LRRC4C: variants seen among roughly 807,000 people sequenced by gnomAD.
LRRC4C encodes the protein leucine rich repeat containing 4C, also known as leucine-rich repeat-containing protein 4C.
A neutral mutation model predicts 33.6 loss-of-function variants in LRRC4C; 5 were observed. That is an observed-to-expected ratio of 0.15 (90% confidence interval 0.08 to 0.31). LRRC4C has a LOEUF of 0.31. Among genes scored for constraint, LRRC4C ranks in the 10% least tolerant of loss-of-function variants. LRRC4C has a pLI of 1.00. For synonymous variants in LRRC4C, 329 were observed against 302.0 expected (o/e 1.09, Z -0.93); for missense variants, 560 against 796.7 (o/e 0.70, Z 3.58).
chr11:40,366,551 C>T (rs1405328168), intron 3 of LRRC4C, among the ~76,000 whole-genome samples: 1 of 151,762 alleles, frequency 6.6e-6, no homozygotes, highest in Non-Finnish European at 1.5e-5. Flanking sequence ...AATAGAAAAG[C>T]CTTACATGAA....
chr11:40,287,680 A>G (rs748836696), intron 4 of LRRC4C, among the ~76,000 whole-genome samples: 2 of 152,204 alleles, frequency 1.3e-5, no homozygotes, highest in Non-Finnish European at 2.9e-5. Context: ...CTTCTAAGAT[A>G]CCATTTACAG....
chr11:40,908,346 C>T (rs12289527), intron 2 of LRRC4C, among the ~76,000 whole-genome samples: 5,474 of 152,104 alleles, frequency 0.036, 331 homozygotes, highest in African/African-American at 0.13. Flanking sequence ...AATGAAAAAT[C>T]ACTACTCAAT....
intron 1 of LRRC4C, among the ~76,000 whole-genome samples, chr11:41,034,022 T>G (rs554199743): frequency 6.6e-6 from 1 of 152,230 alleles, no homozygotes; most frequent in East Asian, 1.9e-4. Flanking sequence ...TCTATTTTAT[T>G]TTAGCATTAA....
At chr11:41,007,557 T>C (rs568889306) in intron 1 of LRRC4C, among the ~76,000 whole-genome samples, 2 of 152,224 alleles carry the variant, frequency 1.3e-5, no homozygotes, top group South Asian at 2.1e-4. Flanking sequence ...CCCACACATA[T>C]GCAGAGATAT....
intron 2 of LRRC4C, among the ~76,000 whole-genome samples, chr11:40,761,031 T>G: frequency 6.6e-6 from 1 of 151,750 alleles, no homozygotes; most frequent in African/African-American, 2.4e-5. Context: ...CATGATGGAA[T>G]ATTTTATGAC....
intron 3 of LRRC4C, among the ~76,000 whole-genome samples, chr11:40,416,173 C>CT (rs1360040991): frequency 6.6e-6 from 1 of 152,090 alleles, no homozygotes; most frequent in African/African-American, 2.4e-5. Flanking sequence ...TTTTGTTTTA[C>CT]TTTTTTAAAC....
At chr11:40,730,114 G>T (rs919053493) in intron 2 of LRRC4C, among the ~76,000 whole-genome samples, 3 of 152,066 alleles carry the variant, frequency 2.0e-5, no homozygotes, top group Non-Finnish European at 4.4e-5. Flanking sequence ...GTGGGGTTGG[G>T]GGGGGCAGGG....
intron 3 of LRRC4C, among the ~76,000 whole-genome samples, chr11:40,334,770 T>C (rs1035071485): frequency 6.6e-6 from 1 of 152,214 alleles, no homozygotes; most frequent in Admixed American, 6.5e-5. Flanking sequence ...CTCAAATTTT[T>C]ACTTTATTTC....
intron 3 of LRRC4C, among the ~76,000 whole-genome samples, chr11:40,410,896 CTTA>C (rs1393767062): frequency 6.6e-6 from 1 of 152,036 alleles, no homozygotes; most frequent in African/African-American, 2.4e-5. Flanking sequence ...ACCATTGATT[CTTA>C]TTATACCCAT....
chr11:40,296,169 T>A lies in LRRC4C; in HGVS notation c.-176+23459A>T, dbSNP rs1484678472. Among the ~76,000 whole-genome samples, 4 of 152,246 alleles carry A rather than the reference T, an allele frequency of 2.6e-5. No homozygotes were observed. In the East Asian group the frequency reaches 7.7e-4, roughly 29 times the overall value. On this transcript the variant is annotated intron_variant, in intron 4 of 6. Transcript: ENST00000528697. ...ACAGGTAAGTGCTATTTGGCCAAAA[T>A]GGAAAAAGGAACAGCTTCTCTTTCC...
chr11:40,795,984 C>T (rs762563630), intron 2 of LRRC4C, among the ~76,000 whole-genome samples: 5 of 151,982 alleles, frequency 3.3e-5, no homozygotes, highest in South Asian at 2.1e-4. Context: ...AATGATAATA[C>T]GTCTATATAT....
At chr11:41,312,973 G>T (rs1258683946) in intron 1 of LRRC4C, among the ~76,000 whole-genome samples, 1 of 152,204 alleles carries the variant, frequency 6.6e-6, no homozygotes, top group Non-Finnish European at 1.5e-5. Context: ...CCATTTTGCA[G>T]TGGTCCTGGA....
intron 3 of LRRC4C, among the ~76,000 whole-genome samples, chr11:40,323,882 A>T (rs572951222): frequency 6.6e-6 from 1 of 152,336 alleles, no homozygotes; most frequent in South Asian, 2.1e-4. Context: ...GCTAGATAAG[A>T]CTGAGGAGAA....
chr11:40,492,526 A>G (rs889272193), intron 3 of LRRC4C, among the ~76,000 whole-genome samples: 3 of 152,092 alleles, frequency 2.0e-5, no homozygotes, highest in African/African-American at 4.8e-5. Flanking sequence ...CTTACACGTT[A>G]TTACGTATCT....
chr11:40,513,765 T>C (rs1339326855), intron 3 of LRRC4C, among the ~76,000 whole-genome samples: 1 of 152,202 alleles, frequency 6.6e-6, no homozygotes, highest in Non-Finnish European at 1.5e-5. Flanking sequence ...GCTGGGTTCA[T>C]GACAGACAGA....
At chr11:40,842,332 T>C (rs1163022266) in intron 2 of LRRC4C, among the ~76,000 whole-genome samples, 2 of 152,162 alleles carry the variant, frequency 1.3e-5, no homozygotes, top group Admixed American at 6.6e-5. Context: ...AGAATGTCCT[T>C]ATATATAGCA....
At chr11:41,323,717 T>C (rs1477406808) in intron 1 of LRRC4C, among the ~76,000 whole-genome samples, 1 of 152,164 alleles carries the variant, frequency 6.6e-6, no homozygotes, top group Non-Finnish European at 1.5e-5. Flanking sequence ...GTCTTACATC[T>C]GAGAGAATTA....
At chr11:40,755,534 T>C (rs565320367) in intron 2 of LRRC4C, among the ~76,000 whole-genome samples, 25 of 152,188 alleles carry the variant, frequency 1.6e-4, no homozygotes, top group African/African-American at 6.0e-4. Context: ...TTTTATTTCC[T>C]TTACTTTAGT....
intron 4 of LRRC4C, among the ~76,000 whole-genome samples, chr11:40,254,835 A>T (rs1993164): frequency 3.3e-5 from 5 of 151,908 alleles, no homozygotes; most frequent in Admixed American, 3.3e-4. Flanking sequence ...TAGGGACAGG[A>T]TCTCACTCTG....
Sources: gnomAD v4.1 joint callset for allele counts (sites outside exome capture counted in the v4.1 genomes callset) on GRCh38, gnomAD v4.1.1 for gene constraint, MANE v1.5 for transcripts, NCBI Gene and HGNC (gene_info 2026-07-23, HGNC 2026-07-21) for gene names.